Variants in BEND7 observed in about 807,000 individuals in gnomAD.
The protein encoded by BEND7 is BEN domain containing 7.
In BEND7, 28 loss-of-function variants were observed where a neutral mutation model predicts 50.9. The ratio of observed to expected loss-of-function variants is 0.55; its 90% CI spans 0.41 to 0.75. BEND7 has a LOEUF of 0.75. BEND7 is among the 30% of genes least tolerant of loss of function. BEND7 has a pLI of 0.00. For missense variants in BEND7, 477 were observed against 491.3 expected (o/e 0.97, Z 0.28); for synonymous variants, 170 against 183.9 (o/e 0.92, Z 0.61).
At chr10:13,459,930 T>C (rs1839872345) in intron 6 of BEND7, 1 of 152,214 alleles carries the variant, frequency 6.6e-6, no homozygotes, top group Non-Finnish European at 1.5e-5. Flanking sequence ...GCTGCCCAAA[T>C]GGGCAGGACT....
intron 7 of BEND7, among the ~76,000 whole-genome samples, chr10:13,450,213 GCTTCCTT>G (rs1837376760): frequency 6.6e-6 from 1 of 152,182 alleles, no homozygotes; most frequent in South Asian, 2.1e-4. Flanking sequence ...GGCAGTGCAG[GCTTCCTT>G]AAGTGGTAGC....
At chr10:13,481,656 A>AT (rs1269814915) in intron 5 of BEND7, among the ~76,000 whole-genome samples, 2 of 152,096 alleles carry the variant, frequency 1.3e-5, no homozygotes, top group Non-Finnish European at 2.9e-5. Context: ...CTGCAGAGAT[A>AT]TTTTTTTTCC....
intron 3 of BEND7, among the ~76,000 whole-genome samples, chr10:13,499,174 T>A (rs1344062636): frequency 6.6e-6 from 1 of 152,068 alleles, no homozygotes; most frequent in Non-Finnish European, 1.5e-5. Context: ...TGAAAAAAAA[T>A]TGTCATTTGA....
At chr10:13,527,938 C>G in intron 1 of BEND7, 1 of 687,456 alleles carries the variant, frequency 1.5e-6, no homozygotes, top group Non-Finnish European at 1.8e-6. Context: ...ATGATCTAGT[C>G]TAAAACACCT....
chr10:13,461,256 A>G (rs1488393193), intron 6 of BEND7, among the ~76,000 whole-genome samples: 1 of 152,202 alleles, frequency 6.6e-6, no homozygotes, highest in Non-Finnish European at 1.5e-5. Context: ...GCAGTCTCAC[A>G]TGAAGCTCAG....
intron 3 of BEND7, among the ~76,000 whole-genome samples, chr10:13,497,858 C>T (rs181239178): frequency 1.3e-5 from 2 of 152,148 alleles, no homozygotes; most frequent in Non-Finnish European, 2.9e-5. Flanking sequence ...ACTTTATATA[C>T]CTTAAATCCT....
intron 6 of BEND7, among the ~76,000 whole-genome samples, chr10:13,472,561 T>C (rs1187275695): frequency 6.7e-6 from 1 of 150,010 alleles, no homozygotes; most frequent in Non-Finnish European, 1.5e-5. Flanking sequence ...GGGGCCGATA[T>C]CCGTCATCAC....
At chr10:13,446,882 A>C (rs1447976189) in intron 8 of BEND7, 2 of 271,868 alleles carry the variant, frequency 7.4e-6, no homozygotes, top group Non-Finnish European at 1.4e-5. Flanking sequence ...CGTTTGGAGG[A>C]GGTGGGAGAG....
At chr10:13,522,691 C>A (rs1377739658) in intron 2 of BEND7, among the ~76,000 whole-genome samples, 1 of 152,210 alleles carries the variant, frequency 6.6e-6, no homozygotes, top group Non-Finnish European at 1.5e-5. Context: ...CTCCCCTCTA[C>A]CCCTTCCAAC....
chr10:13,509,519 C>G (rs2078127613), intron 2 of BEND7, among the ~76,000 whole-genome samples: 1 of 152,150 alleles, frequency 6.6e-6, no homozygotes, highest in South Asian at 2.1e-4. Flanking sequence ...CGTGACTGAA[C>G]AGACAAAACT....
At chr10:13,439,591 G>A, downstream of BEND7, 13 of 1,250,736 alleles carry the variant, frequency 1.0e-5, no homozygotes, top group African/African-American at 3.0e-5. Flanking sequence ...ATCTTAGTGA[G>A]TGCAAGTGAC....
intron 5 of BEND7, among the ~76,000 whole-genome samples, chr10:13,490,196 G>A (rs374552292): frequency 1.1e-4 from 17 of 152,276 alleles, no homozygotes; most frequent in East Asian, 3.9e-4. Flanking sequence ...ACGCAAAAAG[G>A]GAACTCTATA....
At chr10:13,525,826 C>T (rs1470875171) in intron 2 of BEND7, among the ~76,000 whole-genome samples, 1 of 152,188 alleles carries the variant, frequency 6.6e-6, no homozygotes, top group African/African-American at 2.4e-5. Context: ...GCCAGTGAAG[C>T]ATGCCAACGA....
intron 6 of BEND7, among the ~76,000 whole-genome samples, chr10:13,472,698 C>T (rs28392853): frequency 1.3e-5 from 2 of 150,388 alleles, no homozygotes; most frequent in Admixed American, 6.6e-5. Flanking sequence ...CATCATCGCT[C>T]TTAGACTCAG....
At chr10:13,498,278 T>C (rs2077181538) in intron 3 of BEND7, among the ~76,000 whole-genome samples, 1 of 152,108 alleles carries the variant, frequency 6.6e-6, no homozygotes, top group Non-Finnish European at 1.5e-5. Flanking sequence ...GGTTTCGCCA[T>C]GTTGGCCAGG....
Position 13,441,704 on chromosome 10 carries a change from G to C in BEND7, c.*39C>G. The C allele has an allele frequency of 6.2e-7, 1 of 1,612,878 alleles. No individual in the cohort carries two copies. The highest frequency in any genetic ancestry group is 8.5e-7 in the Non-Finnish European group (1 of 1,179,564). Reference sequence around the variant, plus strand: ...GCAGAGGACGGATTTTAAAACCCATGGTGCAAAAAACACAAGAGCTGTGGT... The same window carrying C: ...GCAGAGGACGGATTTTAAAACCCATCGTGCAAAAAACACAAGAGCTGTGGT... On this transcript the variant is annotated 3_prime_UTR_variant, in exon 9 of 9. Transcript: ENST00000466271.
intron 3 of BEND7, among the ~76,000 whole-genome samples, chr10:13,497,629 C>T (rs2077118344): frequency 6.6e-6 from 1 of 152,156 alleles, no homozygotes; most frequent in African/African-American, 2.4e-5. Context: ...CCTTGGTAAA[C>T]CTATCTTATT....
chr10:13,445,379 C>T (rs1269721874), intron 8 of BEND7: 1 of 152,170 alleles, frequency 6.6e-6, no homozygotes, highest in Non-Finnish European at 1.5e-5. Context: ...GGGATTAGCA[C>T]ATCCATCATC....
intron 2 of BEND7, among the ~76,000 whole-genome samples, chr10:13,515,125 T>C (rs1303176460): frequency 3.3e-5 from 5 of 152,236 alleles, no homozygotes; most frequent in Non-Finnish European, 7.3e-5. Flanking sequence ...ATTAATCTTT[T>C]GGCTTCCATT....
Sources: gnomAD v4.1 joint callset for allele counts (sites outside exome capture counted in the v4.1 genomes callset) on GRCh38, gnomAD v4.1.1 for gene constraint, MANE v1.5 for transcripts, NCBI Gene and HGNC (gene_info 2026-07-23, HGNC 2026-07-21) for gene names.